NOL4L: variants seen among roughly 807,000 people sequenced by gnomAD.
NOL4L encodes the protein nucleolar protein 4-like.
Under a neutral mutation model 64.5 loss-of-function variants are expected in NOL4L, and 7 were observed. The observed-to-expected ratio is 0.11, with a 90% CI of 0.06 to 0.20. The LOEUF (loss-of-function observed/expected upper bound fraction) is 0.20, where lower values mean the gene tolerates loss of function less well. Ranked by LOEUF, NOL4L falls within the 10% of genes least tolerant of loss-of-function variation. The pLI, the probability that NOL4L is intolerant of heterozygous loss-of-function variation, is 1.00. For missense variants in NOL4L, 680 were observed against 967.1 expected (o/e 0.70, Z 3.94); for synonymous variants, 413 against 401.0 (o/e 1.03, Z -0.36).
intron 1 of NOL4L, among the ~76,000 whole-genome samples, chr20:32,547,610 T>C (rs2018749282): frequency 6.6e-6 from 1 of 152,092 alleles, no homozygotes; most frequent in Admixed American, 6.6e-5. Flanking sequence ...TTAAACACTG[T>C]CCTAGGCTGT....
chr20:32,570,503 G>A (rs1351246360), intron 1 of NOL4L, among the ~76,000 whole-genome samples: 2 of 152,182 alleles, frequency 1.3e-5, no homozygotes, highest in Non-Finnish European at 2.9e-5. Flanking sequence ...TCTTTCCATA[G>A]TACCCTTCCC....
intron 4 of NOL4L, among the ~76,000 whole-genome samples, chr20:32,491,650 C>G (rs2016475184): frequency 6.6e-6 from 1 of 152,204 alleles, no homozygotes; most frequent in Admixed American, 6.5e-5. Flanking sequence ...GCGGGCCATC[C>G]TGGACACGGG....
intron 1 of NOL4L, among the ~76,000 whole-genome samples, chr20:32,584,176 A>C (rs1295743332): frequency 9.5e-6 from 1 of 105,238 alleles, no homozygotes; most frequent in South Asian, 3.4e-4. Flanking sequence ...CACACCGCCC[A>C]GCCGGCCCGG....
chr20:32,561,379 AT>A (rs1357798935), intron 1 of NOL4L, among the ~76,000 whole-genome samples: 1 of 152,128 alleles, frequency 6.6e-6, no homozygotes, highest in African/African-American at 2.4e-5. Flanking sequence ...CACTGGCTTT[AT>A]TTTCCCCAAG....
In NOL4L at chr20:32,462,134, A is replaced by G. The variant is rs117830783; in HGVS notation, c.842-5739T>C. Among the ~76,000 whole-genome samples, 74 of 152,286 alleles carry G rather than the reference A, an allele frequency of 4.9e-4. 2 individuals are homozygous for G. In the East Asian group the frequency reaches 0.014, roughly 28 times the overall value. ...CCTGGGGTTGCTGGGCCCGTGGTGCAGGGAGGCCCACGCTGGGGAAAGCAG... is the reference window on the plus strand; with the variant it reads ...CCTGGGGTTGCTGGGCCCGTGGTGCGGGGAGGCCCACGCTGGGGAAAGCAG... On this transcript the variant is annotated intron_variant, in intron 5 of 10. Coordinates refer to ENST00000621426, the MANE Select transcript of NOL4L (RefSeq NM_001256798.2).
chr20:32,481,466 G>A (rs1169663276), intron 4 of NOL4L, among the ~76,000 whole-genome samples: 4 of 152,154 alleles, frequency 2.6e-5, no homozygotes, highest in South Asian at 2.1e-4. Flanking sequence ...ATTCCCAGGC[G>A]GTCCAGCTCC....
chr20:32,488,954 G>T (rs2145514622), intron 4 of NOL4L, among the ~76,000 whole-genome samples: 2 of 94,396 alleles, frequency 2.1e-5, no homozygotes, highest in African/African-American at 4.8e-5. Flanking sequence ...TTCTCTATTT[G>T]AATTGTTGGT....
intron 1 of NOL4L, among the ~76,000 whole-genome samples, chr20:32,535,263 G>C (rs546003190): frequency 5.0e-4 from 71 of 142,166 alleles, no homozygotes; most frequent in African/African-American, 1.9e-3. Context: ...ACCTACTGGG[G>C]ACTGGAAATT....
At chr20:32,535,048 G>A (rs2018471034) in intron 1 of NOL4L, among the ~76,000 whole-genome samples, 1 of 151,918 alleles carries the variant, frequency 6.6e-6, no homozygotes, top group African/African-American at 2.4e-5. Context: ...GAGGTGGAGA[G>A]GAAATTGAAA....
Position 32,447,039 on chromosome 20 carries a change from C to CT in NOL4L, c.*556dup. 2.9e-6 allele frequency: 1 copy of CT among 347,068 alleles called. No homozygotes were observed. Among genetic ancestry groups the CT allele is most frequent in the South Asian group, 2.1e-5 (1 of 47,278 alleles). 21.5% of individuals were successfully genotyped at this position (347,068 alleles called of 1,614,324 possible). ...AGCCAGCCTGGCACCTGTCCTGCCCCTACTGGCCCCAGCCCACATCAGTGT... is the reference window on the plus strand; with the variant it reads ...AGCCAGCCTGGCACCTGTCCTGCCCCTTACTGGCCCCAGCCCACATCAGTGT... On this transcript the variant is annotated 3_prime_UTR_variant, in exon 11 of 11. Transcript: ENST00000621426.
chr20:32,488,817 C>CTCTT (rs2016280228), intron 4 of NOL4L, among the ~76,000 whole-genome samples: 2 of 23,930 alleles, frequency 8.4e-5, no homozygotes, highest in Non-Finnish European at 1.4e-4. Flanking sequence ...TTCTTTCTTT[C>CTCTT]TTTCTTTCTT....
intron 5 of NOL4L, among the ~76,000 whole-genome samples, chr20:32,461,773 ACCT>A (rs1336856098): frequency 1.3e-4 from 19 of 148,248 alleles, no homozygotes; most frequent in East Asian, 2.1e-4. Flanking sequence ...GGAAGAAATT[ACCT>A]ATTTCTTCCA....
chr20:32,524,658 C>T (rs1053880537), intron 2 of NOL4L, among the ~76,000 whole-genome samples: 10 of 152,172 alleles, frequency 6.6e-5, no homozygotes, highest in South Asian at 4.1e-4. Flanking sequence ...ATGCGTACCC[C>T]GTGATGCCAG....
rs77545462 is a variant in NOL4L at position 32,495,818 on chromosome 20, G to A, written c.699+15529C>T. Among the ~76,000 whole-genome samples, 458 of 152,200 alleles carry A rather than the reference G, an allele frequency of 3.0e-3. 3 individuals are homozygous for A. Among genetic ancestry groups the A allele is most frequent in the Middle Eastern group, 0.01 (3 of 294 alleles). On this transcript the variant is annotated intron_variant, in intron 4 of 10. Coordinates refer to ENST00000621426, the MANE Select transcript of NOL4L (RefSeq NM_001256798.2). ...CAAAAAATACAAACATTAGCTGGGC[G>A]CGGTGTTGAGCACCTGTGGTCCCAG...
intron 1 of NOL4L, among the ~76,000 whole-genome samples, chr20:32,547,798 T>C (rs1164200961): frequency 2.0e-5 from 3 of 152,124 alleles, no homozygotes; most frequent in East Asian, 3.9e-4. Flanking sequence ...GCTCCAGCCA[T>C]GTCTCCTCCT....
chr20:32,447,112 G>GACACAGACTAGCAATCTGTACAA lies in NOL4L; in HGVS notation c.*461_*483dup, dbSNP rs1332378747. 11 of 411,170 alleles carry GACACAGACTAGCAATCTGTACAA rather than the reference G, an allele frequency of 2.7e-5. No homozygotes were observed. Among genetic ancestry groups the GACACAGACTAGCAATCTGTACAA allele is most frequent in the African/African-American group, 2.3e-4 (11 of 48,680 alleles). 25.5% of individuals were successfully genotyped at this position (411,170 alleles called of 1,614,324 possible). On this transcript the variant is annotated 3_prime_UTR_variant, in exon 11 of 11. Coordinates refer to ENST00000621426, the MANE Select transcript of NOL4L (RefSeq NM_001256798.2). Reference sequence around the variant, plus strand: ...GGGGATACATCCTTCTGATCAGACAGACACAGACTAGCAATCTGTACAAAC... The same window carrying GACACAGACTAGCAATCTGTACAA: ...GGGGATACATCCTTCTGATCAGACAGACACAGACTAGCAATCTGTACAAACACAGACTAGCAATCTGTACAAAC...
At chr20:32,489,054 G>A (rs1600741610) in intron 4 of NOL4L, among the ~76,000 whole-genome samples, 1 of 67,564 alleles carries the variant, frequency 1.5e-5, no homozygotes, top group Non-Finnish European at 3.0e-5. Context: ...TTTTCCTTTT[G>A]TTGTCTTTTT....
intron 1 of NOL4L, among the ~76,000 whole-genome samples, chr20:32,576,647 C>CT (rs1980125530): frequency 6.6e-6 from 1 of 152,140 alleles, no homozygotes; most frequent in Non-Finnish European, 1.5e-5. Flanking sequence ...GCTCCGGGAT[C>CT]CACAACCACG....
At chr20:32,490,513 G>A (rs926930358) in intron 4 of NOL4L, among the ~76,000 whole-genome samples, 1 of 152,114 alleles carries the variant, frequency 6.6e-6, no homozygotes, top group Non-Finnish European at 1.5e-5. Context: ...TGACCTGTGG[G>A]CTGGGCCATA....
Sources: allele counts gnomAD v4.1 joint callset (sites outside exome capture counted in the v4.1 genomes callset), GRCh38; gene constraint gnomAD v4.1.1; transcripts MANE v1.5; gene names NCBI Gene and HGNC (gene_info 2026-07-23, HGNC 2026-07-21).